The following SV2B variants were observed in gnomAD, a reference collection of about 807,000 sequenced individuals.
SV2B encodes solute carrier family 22 member B2.
In SV2B, 41 loss-of-function variants were observed where a neutral mutation model predicts 73.9. The ratio of observed to expected loss-of-function variants is 0.56; its 90% CI spans 0.43 to 0.72. SV2B has a LOEUF of 0.72. Ranked by LOEUF, SV2B falls within the 30% of genes least tolerant of loss-of-function variation. SV2B has a pLI of 0.00. For missense variants in SV2B, 764 were observed against 857.8 expected (o/e 0.89, Z 1.37); for synonymous variants, 314 against 314.2 (o/e 1.00, Z 0.01).
chr15:91,170,177 G>T (rs768674362), intron 1 of SV2B, among the ~76,000 whole-genome samples: 2 of 152,172 alleles, frequency 1.3e-5, no homozygotes, highest in Non-Finnish European at 2.9e-5. Flanking sequence ...TTTCTTAGGA[G>T]ACTGCAGTGT....
intron 1 of SV2B, among the ~76,000 whole-genome samples, chr15:91,207,259 GC>G (rs1255196922): frequency 6.7e-6 from 1 of 149,480 alleles, no homozygotes; most frequent in Non-Finnish European, 1.5e-5. Context: ...CTGAGTTCAA[GC>G]GATCCTCTTA....
In SV2B at chr15:91,115,622, C is replaced by T. The variant is rs1277438991; in HGVS notation, c.-392+15259C>T. On this transcript the variant is annotated intron_variant, in intron 1 of 12. Transcript: ENST00000394232. The surrounding 1 kb of genome is among the most constrained non-coding windows in gnomAD (Gnocchi z 4.3). ...GAACTCCTGAACTCAAGCGATCCACCCGCCTCGACCTCTCAAAGTGCTGGG... is the reference window on the plus strand; with the variant it reads ...GAACTCCTGAACTCAAGCGATCCACTCGCCTCGACCTCTCAAAGTGCTGGG... Among the ~76,000 whole-genome samples the T allele has an allele frequency of 1.3e-5, 2 of 152,030 alleles. No homozygotes were observed. Among genetic ancestry groups the T allele is most frequent in the African/African-American group, 4.8e-5 (2 of 41,374 alleles).
chr15:91,191,059 G>GTTTATTTTTTTTTTT (rs1161482690), intron 1 of SV2B, among the ~76,000 whole-genome samples: 5 of 59,748 alleles, frequency 8.4e-5, no homozygotes, highest in South Asian at 1.3e-3. Flanking sequence ...TTTTTTTGGT[G>GTTTATTTTTTTTTTT]TTTCTTTTTT....
In SV2B at chr15:91,132,790, T is replaced by C. The variant is rs1280971872; in HGVS notation, c.-392+32427T>C. On this transcript the variant is annotated intron_variant, in intron 1 of 12. Transcript: ENST00000394232. The surrounding 1 kb of genome is among the most constrained non-coding windows in gnomAD (Gnocchi z 4.6). ...AGGAGTTTGAGGCTGCAGTGAGCTA[T>C]AGTCGCACCACTGCACTCCAGCCTG... Among the ~76,000 whole-genome samples, 3 of 152,012 alleles carry C rather than the reference T, an allele frequency of 2.0e-5. No individual in the cohort carries two copies. In the East Asian group the frequency reaches 5.8e-4, roughly 29 times the overall value.
At chr15:91,201,940 A>G (rs2045473526) in intron 1 of SV2B, among the ~76,000 whole-genome samples, 1 of 152,212 alleles carries the variant, frequency 6.6e-6, no homozygotes, top group African/African-American at 2.4e-5. Flanking sequence ...CATAGCAGCC[A>G]GGTGATCCTT....
rs150881243 is a variant in SV2B at position 91,293,520 on chromosome 15, A to C, written c.*968A>C. 6.6e-6 allele frequency: 1 copy of C among 152,298 alleles called. No homozygotes were observed. The highest frequency in any genetic ancestry group is 6.5e-5 in the Admixed American group (1 of 15,302). 9.4% of individuals were successfully genotyped at this position (152,298 alleles called of 1,614,324 possible). A position where few individuals can be genotyped will look rare whatever the true frequency, so the allele number is the denominator to read the frequency against. On this transcript the variant is annotated 3_prime_UTR_variant, in exon 13 of 13. Coordinates refer to ENST00000394232, the MANE Select transcript of SV2B (RefSeq NM_001323032.3). ...GTTACTTCTCTCCCTTACACAGATG[A>C]CTTGTGAAACTCAAGCTCACCATCT... is the stretch of plus-strand genomic sequence containing the variant.
At position 91,240,019 on chromosome 15, in the gene SV2B, A is replaced by G. The variant is rs1400473474; in HGVS notation, c.452-11800A>G. ...GACCTTGTTGAATGAACTATGATTG[A>G]TCCCTTAGGGTTGAGTGTGTCTGAG... On this transcript the variant is annotated intron_variant, in intron 2 of 12. Transcript: ENST00000394232. This position sits in a 1 kb window ranked among gnomAD's most constrained non-coding sequence, Gnocchi z 4.6. Among the ~76,000 whole-genome samples, 1 of 152,180 alleles carries G rather than the reference A, an allele frequency of 6.6e-6. No homozygotes were observed. The highest frequency in any genetic ancestry group is 6.5e-5 in the Admixed American group (1 of 15,272).
chr15:91,219,298 G>A (rs112037031), intron 1 of SV2B, among the ~76,000 whole-genome samples: 346 of 152,306 alleles, frequency 2.3e-3, no homozygotes, highest in Non-Finnish European at 3.7e-3. Flanking sequence ...GCCTGGTGAA[G>A]AGGTTCAGAA....
intron 1 of SV2B, among the ~76,000 whole-genome samples, chr15:91,170,968 T>C (rs1455076980): frequency 6.6e-6 from 1 of 152,228 alleles, no homozygotes; most frequent in Non-Finnish European, 1.5e-5. Flanking sequence ...GGACTCACTC[T>C]GTGCCAGGTG....
intron 1 of SV2B, among the ~76,000 whole-genome samples, chr15:91,145,141 C>T (rs2043110284): frequency 6.6e-6 from 1 of 152,110 alleles, no homozygotes; most frequent in African/African-American, 2.4e-5. Context: ...CTCCTCCCAC[C>T]CTCCATCCTC....
intron 1 of SV2B, among the ~76,000 whole-genome samples, chr15:91,144,426 A>G (rs1274584492): frequency 6.6e-6 from 1 of 152,178 alleles, no homozygotes; most frequent in Admixed American, 6.5e-5. Flanking sequence ...TTTTTTTTTA[A>G]AAAAGCATTT....
chr15:91,245,531 C>A lies in SV2B; in HGVS notation c.452-6288C>A, dbSNP rs2047189340. 6.6e-6 allele frequency among the ~76,000 whole-genome samples: 1 copy of A among 152,082 alleles called. No individual in the cohort carries two copies. On this transcript the variant is annotated intron_variant, in intron 2 of 12. Coordinates refer to ENST00000394232, the MANE Select transcript of SV2B (RefSeq NM_001323032.3). The surrounding 1 kb of genome is among the most constrained non-coding windows in gnomAD (Gnocchi z 4.2). The stretch of plus-strand genomic sequence containing the variant: ...CTTTTATACATTTTGGGGGGTATTC[C>A]TCAGATTTTCTTACAGTGAATAGGA...
At chr15:91,272,391 T>A (rs943704540) in intron 9 of SV2B, among the ~76,000 whole-genome samples, 1 of 152,176 alleles carries the variant, frequency 6.6e-6, no homozygotes, top group African/African-American at 2.4e-5. Context: ...GGCTTTCTTC[T>A]GTGAGGGTTA....
intron 1 of SV2B, among the ~76,000 whole-genome samples, chr15:91,190,843 A>G (rs7498035): frequency 0.31 from 46,326 of 151,660 alleles, 8,112 homozygotes; most frequent in East Asian, 0.71. Context: ...TCCAGCTACA[A>G]TGGTTGATTT....
At chr15:91,166,029 G>A (rs1237915978) in intron 1 of SV2B, among the ~76,000 whole-genome samples, 3 of 152,160 alleles carry the variant, frequency 2.0e-5, no homozygotes, top group Admixed American at 6.6e-5. Context: ...ACTTAAAAAG[G>A]TTCCATTGTT....
Position 91,234,798 on chromosome 15 carries a change from C to T in SV2B, c.451+8084C>T, listed in dbSNP as rs1162629428. 6.6e-6 allele frequency among the ~76,000 whole-genome samples: 1 copy of T among 152,158 alleles called. No homozygotes were observed. Among genetic ancestry groups the T allele is most frequent in the Non-Finnish European group, 1.5e-5 (1 of 68,024 alleles). ...TACCATTAATCTTTCTCTCAGTGTT[C>T]CCCAAAGAGACCTGTGGGCTTTTAC... On this transcript the variant is annotated intron_variant, in intron 2 of 12. Coordinates refer to ENST00000394232, the MANE Select transcript of SV2B (RefSeq NM_001323032.3). The surrounding 1 kb of genome is among the most constrained non-coding windows in gnomAD (Gnocchi z 5.6).
chr15:91,231,727 T>G lies in SV2B; in HGVS notation c.451+5013T>G. On this transcript the variant is annotated intron_variant, in intron 2 of 12. Transcript: ENST00000394232. This position sits in a 1 kb window ranked among gnomAD's most constrained non-coding sequence, Gnocchi z 4.5. ...TTCACTTTCAGGCAAGAGTTCCGTG[T>G]TTTGCCTGCAGAGTTTTCATTTCTT... 6.6e-6 allele frequency among the ~76,000 whole-genome samples: 1 copy of G among 152,196 alleles called. No homozygotes were observed.
chr15:91,143,649 A>G (rs1567287264), intron 1 of SV2B, among the ~76,000 whole-genome samples: 1 of 152,244 alleles, frequency 6.6e-6, no homozygotes. Flanking sequence ...TGTGATGTTA[A>G]CATCATTCTC....
Position 91,124,655 on chromosome 15 carries a change from C to A in SV2B, c.-392+24292C>A, listed in dbSNP as rs1596444610. 2.6e-5 allele frequency among the ~76,000 whole-genome samples: 4 copies of A among 151,276 alleles called. No individual in the cohort carries two copies. The highest frequency in any genetic ancestry group is 9.8e-5 in the African/African-American group (4 of 40,906). On this transcript the variant is annotated intron_variant, in intron 1 of 12. Transcript: ENST00000394232. This position sits in a 1 kb window ranked among gnomAD's most constrained non-coding sequence, Gnocchi z 4.6. ...AACAACAGAAATTTCTTTCTTTCAA[C>A]AAAAATTTTTTTTTTTTTGAGACAG...
Sources: gnomAD v4.1 joint callset for allele counts (sites outside exome capture counted in the v4.1 genomes callset) on GRCh38, gnomAD v4.1.1 for gene constraint, Gnocchi (gnomAD v3.1) non-coding constraint, MANE v1.5 for transcripts, NCBI Gene and HGNC (gene_info 2026-07-23, HGNC 2026-07-21) for gene names.